Variants in TBC1D8 observed in about 807,000 individuals in gnomAD.
TBC1D8 encodes the protein BUB2-like protein 1.
A neutral mutation model predicts 118.8 loss-of-function variants in TBC1D8; 65 were observed. The ratio of observed to expected loss-of-function variants is 0.55; its 90% CI spans 0.45 to 0.67. The LOEUF (loss-of-function observed/expected upper bound fraction) is 0.67. Ranked by LOEUF, TBC1D8 falls within the 30% of genes least tolerant of loss-of-function variation. The pLI is 0.00. For synonymous variants in TBC1D8, 566 were observed against 595.8 expected (o/e 0.95, Z 0.73); for missense variants, 1,376 against 1,471.2 (o/e 0.94, Z 1.06).
intron 1 of TBC1D8, among the ~76,000 whole-genome samples, chr2:101,127,801 T>A (rs931121981): frequency 3.9e-5 from 6 of 152,150 alleles, no homozygotes; most frequent in African/African-American, 1.4e-4. Context: ...GTGGAGGATG[T>A]GAGGGTCACA....
chr2:101,067,081 G>C (rs979250589), intron 2 of TBC1D8, among the ~76,000 whole-genome samples: 1 of 151,736 alleles, frequency 6.6e-6, no homozygotes, highest in Non-Finnish European at 1.5e-5. Context: ...CCATGTATTT[G>C]TATGGTGTTG....
chr2:101,109,872 A>G (rs1677481518), intron 1 of TBC1D8: 1 of 985,426 alleles, frequency 1.0e-6, no homozygotes, highest in Non-Finnish European at 1.2e-6. Context: ...CTTTCCCTCC[A>G]CAAGCCCAAA....
intron 11 of TBC1D8, among the ~76,000 whole-genome samples, chr2:101,031,529 C>G (rs983931895): frequency 3.3e-5 from 5 of 152,222 alleles, no homozygotes; most frequent in African/African-American, 1.2e-4. Flanking sequence ...CATCTCTCAT[C>G]TGAATTACTA....
chr2:101,054,830 G>A (rs1682322073), intron 3 of TBC1D8, among the ~76,000 whole-genome samples: 1 of 151,152 alleles, frequency 6.6e-6, no homozygotes, highest in African/African-American at 2.4e-5. Flanking sequence ...TCACAGGCAC[G>A]CACCACCACG....
At chr2:101,031,185 T>C (rs1680650116) in intron 11 of TBC1D8, among the ~76,000 whole-genome samples, 2 of 152,180 alleles carry the variant, frequency 1.3e-5, no homozygotes. Context: ...TAATTACTCC[T>C]TGCTACTCTG....
chr2:101,103,202 TG>T (rs1338377765), intron 1 of TBC1D8, among the ~76,000 whole-genome samples: 4 of 151,790 alleles, frequency 2.6e-5, no homozygotes, highest in African/African-American at 9.7e-5. Flanking sequence ...GGTTCAACAT[TG>T]GAAATATCGA....
intron 1 of TBC1D8, among the ~76,000 whole-genome samples, chr2:101,117,568 CTTT>C (rs201852112): frequency 2.2e-4 from 26 of 119,692 alleles, no homozygotes; most frequent in African/African-American, 7.4e-4. Flanking sequence ...GGAGGCAGAA[CTTT>C]TTTTTTTTTT....
chr2:101,036,632 G>T (rs1681032101), intron 8 of TBC1D8, among the ~76,000 whole-genome samples: 1 of 152,086 alleles, frequency 6.6e-6, no homozygotes, highest in Non-Finnish European at 1.5e-5. Context: ...GACAGCCAGA[G>T]GGAAAACTGA....
chr2:101,116,705 A>G (rs1677834997), intron 1 of TBC1D8, among the ~76,000 whole-genome samples: 2 of 151,756 alleles, frequency 1.3e-5, no homozygotes, highest in African/African-American at 2.4e-5. Context: ...CAGTGGTGCA[A>G]TCTCAGCTCA....
intron 17 of TBC1D8, chr2:101,017,855 T>C: frequency 1.3e-6 from 2 of 1,550,842 alleles, no homozygotes; most frequent in Non-Finnish European, 1.7e-6. Flanking sequence ...CAATTCCCAA[T>C]TAGGTCTTCA....
intron 1 of TBC1D8, among the ~76,000 whole-genome samples, chr2:101,095,372 G>A (rs1439636384): frequency 6.6e-6 from 1 of 150,460 alleles, no homozygotes; most frequent in Non-Finnish European, 1.5e-5. Flanking sequence ...TTTAGCATTA[G>A]GTATATCTCC....
intron 5 of TBC1D8, among the ~76,000 whole-genome samples, chr2:101,042,360 C>T (rs1681437593): frequency 6.6e-6 from 1 of 152,160 alleles, no homozygotes; most frequent in Non-Finnish European, 1.5e-5. Flanking sequence ...TCTTCTCTTG[C>T]ACTTTATAAA....
intron 1 of TBC1D8, among the ~76,000 whole-genome samples, chr2:101,114,778 C>A (rs535596111): frequency 6.6e-6 from 1 of 152,322 alleles, no homozygotes; most frequent in Non-Finnish European, 1.5e-5. Flanking sequence ...CAGACACTGT[C>A]TTCTCTTCTG....
At position 101,074,525 on chromosome 2, in the gene TBC1D8, T is replaced by C. The variant is rs577713948; in HGVS notation, c.284-14986A>G. Among the ~76,000 whole-genome samples, 7 of 152,348 alleles carry C rather than the reference T, an allele frequency of 4.6e-5. No homozygotes were observed. The South Asian group carries it at 1.0e-3, about 23-fold the overall frequency. ...TCAATTTGAAAAACATGCAGTATCT[T>C]CAAAGTACAATAACGTGAAACACAA... On this transcript the variant is annotated intron_variant, in intron 2 of 19. Transcript: ENST00000409318.
At chr2:101,019,268 T>G (rs1476616554) in intron 17 of TBC1D8, 1 of 427,170 alleles carries the variant, frequency 2.3e-6, no homozygotes, top group East Asian at 3.3e-5. Flanking sequence ...GAGAATTCTT[T>G]AGGCACACAA....
At chr2:101,037,192 A>G (rs889280339) in intron 8 of TBC1D8, among the ~76,000 whole-genome samples, 1 of 152,194 alleles carries the variant, frequency 6.6e-6, no homozygotes, top group Non-Finnish European at 1.5e-5. Context: ...ACAAAAAAAA[A>G]GGAAAAAGGA....
chr2:101,128,464 A>G (rs1168070707), intron 1 of TBC1D8, among the ~76,000 whole-genome samples: 1 of 152,194 alleles, frequency 6.6e-6, no homozygotes, highest in Admixed American at 6.5e-5. Context: ...CAAATTCAGT[A>G]CAATGCTAGC....
At chr2:101,126,179 G>T (rs1363449303) in intron 1 of TBC1D8, among the ~76,000 whole-genome samples, 1 of 152,172 alleles carries the variant, frequency 6.6e-6, no homozygotes, top group Non-Finnish European at 1.5e-5. Flanking sequence ...AGGCAAGAGA[G>T]AGAGGAGATG....
intron 17 of TBC1D8, among the ~76,000 whole-genome samples, chr2:101,016,574 G>T (rs1318190290): frequency 2.0e-5 from 3 of 152,076 alleles, no homozygotes; most frequent in African/African-American, 7.2e-5. Context: ...CCATTACTGG[G>T]TATACACCCA....
Sources: gnomAD v4.1 joint callset for allele counts (sites outside exome capture counted in the v4.1 genomes callset) on GRCh38, gnomAD v4.1.1 for gene constraint, MANE v1.5 for transcripts, NCBI Gene and HGNC (gene_info 2026-07-23, HGNC 2026-07-21) for gene names.